The following SLC9D1 variants were observed in gnomAD, a reference collection of about 807,000 sequenced individuals.
SLC9D1 encodes putative LAG1-interacting protein.
chr13:113,509,844 G>A, the SLC9D1 span, among the ~76,000 whole-genome samples: 6 of 152,180 alleles, frequency 3.9e-5, no homozygotes, highest in African/African-American at 7.2e-5. Flanking sequence ...TTCGAATGCC[G>A]AGCCACAGGG....
the SLC9D1 span, among the ~76,000 whole-genome samples, chr13:113,491,714 G>T: frequency 6.6e-6 from 1 of 152,178 alleles, no homozygotes; most frequent in Admixed American, 6.5e-5. Context: ...CTGGCCGCCC[G>T]GGTGGACTCG....
chr13:113,546,949 C>T, the SLC9D1 span, among the ~76,000 whole-genome samples: 4 of 152,206 alleles, frequency 2.6e-5, no homozygotes, highest in Non-Finnish European at 4.4e-5. This position sits in a 1 kb window ranked among gnomAD's most constrained non-coding sequence, Gnocchi z 7.1. Flanking sequence ...CACTGTGGGG[C>T]TGTGGGCTCT....
chr13:113,528,328 C>A, the SLC9D1 span: 1 of 152,226 alleles, frequency 6.6e-6, no homozygotes, highest in Non-Finnish European at 1.5e-5. Flanking sequence ...GGCCTCCAGC[C>A]CCACCCCGGC....
At chr13:113,495,987 C>T in the SLC9D1 span, 3,153 of 1,612,852 alleles carry the variant, frequency 2.0e-3, 50 homozygotes, top group African/African-American at 0.038. Flanking sequence ...GGAGAGCAGC[C>T]GGCAGCGCCT....
the SLC9D1 span, chr13:113,501,865 A>G: frequency 1.9e-6 from 3 of 1,610,630 alleles, no homozygotes; most frequent in Non-Finnish European, 2.5e-6. Context: ...GACCTTCAGG[A>G]CTAAATAGTA....
At chr13:113,547,428 A>C in the SLC9D1 span, 1 of 1,425,740 alleles carries the variant, frequency 7.0e-7, no homozygotes, top group African/African-American at 1.4e-5. Context: ...GGCTCAGCAT[A>C]GCCCTCCCTG....
chr13:113,537,479 CT>C, the SLC9D1 span, among the ~76,000 whole-genome samples: 4 of 152,254 alleles, frequency 2.6e-5, no homozygotes, highest in Non-Finnish European at 4.4e-5. Flanking sequence ...CACTTCGCCC[CT>C]TTTTATGGCT....
the SLC9D1 span, among the ~76,000 whole-genome samples, chr13:113,518,825 G>A: frequency 6.6e-6 from 1 of 152,186 alleles, no homozygotes; most frequent in Non-Finnish European, 1.5e-5. Flanking sequence ...TAACGTCATC[G>A]TCTGTTCAGA....
the SLC9D1 span, chr13:113,539,563 C>G: frequency 6.4e-7 from 1 of 1,572,124 alleles, no homozygotes; most frequent in Non-Finnish European, 8.7e-7. This position sits in a 1 kb window ranked among gnomAD's most constrained non-coding sequence, Gnocchi z 4.8. Flanking sequence ...CAGAGTGGTT[C>G]TGTAATATGT....
the SLC9D1 span, chr13:113,498,458 A>C: frequency 6.3e-7 from 1 of 1,591,772 alleles, no homozygotes; most frequent in Non-Finnish European, 8.5e-7. Context: ...TTGAAGATGT[A>C]AGAAAGGCAG....
chr13:113,513,585 A>G, the SLC9D1 span, among the ~76,000 whole-genome samples: 1 of 152,244 alleles, frequency 6.6e-6, no homozygotes, highest in Non-Finnish European at 1.5e-5. Flanking sequence ...TTAAATGTGT[A>G]ATATACCCAC....
the SLC9D1 span, chr13:113,495,696 C>CGAG: frequency 6.2e-7 from 1 of 1,612,606 alleles, no homozygotes; most frequent in Non-Finnish European, 8.5e-7. Context: ...GCACCGCGGG[C>CGAG]GAGGGGTGGC....
At chr13:113,540,115 C>T in the SLC9D1 span, among the ~76,000 whole-genome samples, 1 of 152,148 alleles carries the variant, frequency 6.6e-6, no homozygotes, top group Non-Finnish European at 1.5e-5. Context: ...ATCTGGTCCA[C>T]GGTTGATGGA....
chr13:113,507,719 G>A, the SLC9D1 span, among the ~76,000 whole-genome samples: 6 of 152,238 alleles, frequency 3.9e-5, no homozygotes, highest in African/African-American at 1.2e-4. Context: ...AAGTCATTGT[G>A]GTTGGGAGTT....
the SLC9D1 span, among the ~76,000 whole-genome samples, chr13:113,501,080 G>A: frequency 2.4e-4 from 37 of 152,268 alleles, no homozygotes; most frequent in Admixed American, 2.2e-3. Context: ...GCCTGCACCC[G>A]TCATGGCAAA....
At chr13:113,513,737 G>A in the SLC9D1 span, among the ~76,000 whole-genome samples, 2 of 152,168 alleles carry the variant, frequency 1.3e-5, no homozygotes, top group African/African-American at 4.8e-5. Flanking sequence ...TCATAAAGAT[G>A]TCACTTCTCC....
chr13:113,538,823 C>T, the SLC9D1 span, among the ~76,000 whole-genome samples: 32 of 152,390 alleles, frequency 2.1e-4, no homozygotes, highest in Admixed American at 2.0e-3. Flanking sequence ...CGCAGAGCTG[C>T]GCTGAGGCTC....
At chr13:113,536,340 C>CA in the SLC9D1 span, among the ~76,000 whole-genome samples, 60,489 of 143,344 alleles carry the variant, frequency 0.42, 13,498 homozygotes, top group African/African-American at 0.61. Flanking sequence ...AAGACTGCCT[C>CA]AAAAAAAAAA....
At chr13:113,531,306 G>A in the SLC9D1 span, among the ~76,000 whole-genome samples, 1 of 152,376 alleles carries the variant, frequency 6.6e-6, no homozygotes, top group South Asian at 2.1e-4. Context: ...GGCCAGACGT[G>A]CTGATGGGAA....
Sources: allele counts gnomAD v4.1 joint callset (sites outside exome capture counted in the v4.1 genomes callset), GRCh38; gene constraint gnomAD v4.1.1; non-coding constraint Gnocchi (gnomAD v3.1); transcripts MANE v1.5; gene names NCBI Gene and HGNC (gene_info 2026-07-23, HGNC 2026-07-21).